Variants in GPD1L observed in about 807,000 individuals in gnomAD.
GPD1L encodes the protein glycerol-3-phosphate dehydrogenase 1 like.
Under a neutral mutation model 32.9 loss-of-function variants are expected in GPD1L, and 17 were observed. That is an observed-to-expected ratio of 0.52 (90% CI 0.35 to 0.78). The LOEUF is 0.78. Ranked by LOEUF, GPD1L falls within the 30% of genes least tolerant of loss-of-function variation. The pLI is 0.01. For synonymous variants in GPD1L, 187 were observed against 165.9 expected, an observed-to-expected ratio of 1.13 and a Z score of -0.98; for missense variants, 361 against 447.8, an observed-to-expected ratio of 0.81 and a Z score of 1.75.
intron 4 of GPD1L, among the ~76,000 whole-genome samples, chr3:32,144,513 A>G (rs1559578401): frequency 1.3e-5 from 2 of 152,210 alleles, no homozygotes; most frequent in Non-Finnish European, 2.9e-5. Flanking sequence ...GTTTTATTAC[A>G]TAGGTTAATT....
chr3:32,156,719 A>G (rs1250800740), intron 5 of GPD1L, among the ~76,000 whole-genome samples: 3 of 152,158 alleles, frequency 2.0e-5, no homozygotes, highest in African/African-American at 4.8e-5. Flanking sequence ...GGCCACATCA[A>G]TGATATGTTT....
chr3:32,120,422 T>C (rs1700395457), intron 1 of GPD1L, among the ~76,000 whole-genome samples: 2 of 152,118 alleles, frequency 1.3e-5, no homozygotes, highest in African/African-American at 4.8e-5. Context: ...TTCAGGGAAA[T>C]TTAATAGGAT....
chr3:32,160,111 T>C (rs1701055401), intron 7 of GPD1L, among the ~76,000 whole-genome samples: 1 of 151,852 alleles, frequency 6.6e-6, no homozygotes, highest in Non-Finnish European at 1.5e-5. Flanking sequence ...GGTAGCTCTG[T>C]TAAGTTTGGT....
intron 5 of GPD1L, among the ~76,000 whole-genome samples, chr3:32,157,503 T>G (rs577949602): frequency 6.6e-6 from 1 of 152,150 alleles, no homozygotes; most frequent in Non-Finnish European, 1.5e-5. Flanking sequence ...CGCTAGCCCC[T>G]GCAATCACTG....
At chr3:32,142,276 G>A (rs1373534880) in intron 4 of GPD1L, among the ~76,000 whole-genome samples, 3 of 152,120 alleles carry the variant, frequency 2.0e-5, no homozygotes, top group African/African-American at 4.8e-5. Flanking sequence ...GCGCCACCAC[G>A]CCCAGCTAAT....
At position 32,167,889 on chromosome 3, in the gene GPD1L, T is replaced by G. The variant is rs1701170861; in HGVS notation, c.*1979T>G. ...GAAAGCACACAAAACACTCCAAGTT[T>G]CAGCAGTTTTAGCGCCACCATTAAC... On this transcript the variant is annotated 3_prime_UTR_variant, in exon 8 of 8. Transcript: ENST00000282541. The G allele has an allele frequency of 6.6e-6, 1 of 152,202 alleles. No homozygotes were observed. Among genetic ancestry groups the G allele is most frequent in the African/African-American group, 2.4e-5 (1 of 41,450 alleles). 9.4% of individuals were successfully genotyped at this position (152,202 alleles called of 1,614,324 possible). A position where few individuals can be genotyped will look rare whatever the true frequency, so the allele number is the denominator to read the frequency against.
At chr3:32,159,951 C>T (rs1038414092) in intron 7 of GPD1L, among the ~76,000 whole-genome samples, 8 of 152,110 alleles carry the variant, frequency 5.3e-5, no homozygotes, top group Non-Finnish European at 7.4e-5. Flanking sequence ...TAGTTTGTCT[C>T]GCAGGGTGTT....
At chr3:32,131,117 G>A (rs1166958951) in intron 2 of GPD1L, among the ~76,000 whole-genome samples, 5 of 152,124 alleles carry the variant, frequency 3.3e-5, no homozygotes, top group Non-Finnish European at 5.9e-5. Context: ...TCCAGAGCCT[G>A]TGTTTGGAGC....
chr3:32,153,322 C>T (rs935609063), intron 5 of GPD1L, among the ~76,000 whole-genome samples: 1 of 152,186 alleles, frequency 6.6e-6, no homozygotes, highest in Non-Finnish European at 1.5e-5. Context: ...TATTTACATT[C>T]AAATTAATTA....
chr3:32,143,023 A>G (rs529302652), intron 4 of GPD1L, among the ~76,000 whole-genome samples: 113 of 152,144 alleles, frequency 7.4e-4, no homozygotes, highest in Non-Finnish European at 1.2e-3. Flanking sequence ...AAGAAAAAAA[A>G]AAATTTTTTA....
rs774044485 is a variant in GPD1L at position 32,131,596 on chromosome 3, T to C, written c.225+3343T>C. Among the ~76,000 whole-genome samples, 117 of 152,258 alleles carry C rather than the reference T, an allele frequency of 7.7e-4. 1 individual carries two copies. Among genetic ancestry groups the C allele is most frequent in the Admixed American group, 9.8e-4 (15 of 15,288 alleles). On this transcript the variant is annotated intron_variant, in intron 2 of 7. Transcript: ENST00000282541. ...CATGTATCAATACTTCGTTCCTTTT[T>C]ATGGCTGAATACGATCCTGTTGTAT...
intron 7 of GPD1L, among the ~76,000 whole-genome samples, chr3:32,164,928 C>T (rs964816667): frequency 8.6e-5 from 13 of 152,036 alleles, no homozygotes; most frequent in East Asian, 7.7e-4. Context: ...AAGCCTGGGC[C>T]GGCGCGGTGG....
intron 1 of GPD1L, among the ~76,000 whole-genome samples, chr3:32,122,306 T>C (rs1053413633): frequency 7.2e-5 from 11 of 152,206 alleles, no homozygotes; most frequent in Non-Finnish European, 5.9e-5. Context: ...AGATCTGGGT[T>C]TGAATTGCTA....
chr3:32,117,931 G>A lies in GPD1L; in HGVS notation c.48-10145G>A, dbSNP rs1173525152. 3.3e-5 allele frequency among the ~76,000 whole-genome samples: 5 copies of A among 152,308 alleles called. No homozygotes were observed. In the East Asian group the frequency reaches 9.6e-4, roughly 29 times the overall value. On this transcript the variant is annotated intron_variant, in intron 1 of 7. Transcript: ENST00000282541. The stretch of plus-strand genomic sequence containing the variant: ...CAGATGAACATTGTTCCCATGGTGT[G>A]TGGGGTTGATAGCATGGCTGACCAG...
chr3:32,115,617 AG>A (rs1700320258), intron 1 of GPD1L, among the ~76,000 whole-genome samples: 4 of 152,170 alleles, frequency 2.6e-5, no homozygotes, highest in Non-Finnish European at 5.9e-5. Context: ...GTCCTGGAGG[AG>A]GAGGAGAACT....
At chr3:32,147,321 AT>A (rs1164774143) in intron 5 of GPD1L, among the ~76,000 whole-genome samples, 1 of 152,082 alleles carries the variant, frequency 6.6e-6, no homozygotes, top group Non-Finnish European at 1.5e-5. Flanking sequence ...GGCTTCTTTG[AT>A]TGGAGGTGTA....
rs751879292 is a variant in GPD1L at position 32,159,694 on chromosome 3, A to T, written c.959+20A>T. ...GGACAAGTAAGTCTCTCAGTCGCCCATGAGACCAGATAAATGTCCATCATT... is the reference window on the plus strand; with the variant it reads ...GGACAAGTAAGTCTCTCAGTCGCCCTTGAGACCAGATAAATGTCCATCATT... On this transcript the variant is annotated intron_variant, in intron 7 of 7. Coordinates refer to ENST00000282541, the MANE Select transcript of GPD1L (RefSeq NM_015141.4). 3.7e-6 allele frequency: 5 copies of T among 1,339,676 alleles called. No homozygotes were observed. The highest frequency in any genetic ancestry group is 5.4e-6 in the Non-Finnish European group (5 of 929,792). The allele number at this position is 1,339,676 out of a possible 1,614,324, so 83.0% of individuals were successfully genotyped here.
intron 1 of GPD1L, among the ~76,000 whole-genome samples, chr3:32,120,101 G>A (rs1700388381): frequency 6.6e-6 from 1 of 152,114 alleles, no homozygotes; most frequent in African/African-American, 2.4e-5. Context: ...GAGGCAGGCG[G>A]ATCACAAAGA....
At chr3:32,121,521 C>CTATA (rs1442483992) in intron 1 of GPD1L, among the ~76,000 whole-genome samples, 7,282 of 37,142 alleles carry the variant, frequency 0.2, 1,629 homozygotes, top group East Asian at 0.71. Context: ...ATATTTCTCT[C>CTATA]TATATATATT....
Sources: gnomAD v4.1 joint callset for allele counts (sites outside exome capture counted in the v4.1 genomes callset) on GRCh38, gnomAD v4.1.1 for gene constraint, MANE v1.5 for transcripts, NCBI Gene and HGNC (gene_info 2026-07-23, HGNC 2026-07-21) for gene names.